Variants in SYK observed in about 807,000 individuals in gnomAD.
The protein encoded by SYK is spleen associated tyrosine kinase.
A neutral mutation model predicts 77.8 loss-of-function variants in SYK; 16 were observed. The observed-to-expected ratio is 0.21, with a 90% CI of 0.14 to 0.31. The LOEUF (loss-of-function observed/expected upper bound fraction) is 0.31. Ranked by LOEUF, SYK falls within the 10% of genes least tolerant of loss-of-function variation. The pLI is 1.00. For missense variants in SYK, 529 were observed against 814.4 expected, an observed-to-expected ratio of 0.65 and a Z score of 4.26; for synonymous variants, 312 against 308.7, an observed-to-expected ratio of 1.01 and a Z score of -0.11.
intron 3 of SYK, among the ~76,000 whole-genome samples, chr9:90,848,669 T>C (rs1295206471): frequency 6.6e-6 from 1 of 152,172 alleles, no homozygotes; most frequent in African/African-American, 2.4e-5. Context: ...AATCCATCCA[T>C]GGACCAACAT....
At chr9:90,870,957 A>T (rs1827706785) in intron 7 of SYK, among the ~76,000 whole-genome samples, 1 of 152,254 alleles carries the variant, frequency 6.6e-6, no homozygotes, top group South Asian at 2.1e-4. Flanking sequence ...GGAAACTCTG[A>T]ATGGACCTAT....
intron 1 of SYK, among the ~76,000 whole-genome samples, chr9:90,829,016 C>T (rs371515759): frequency 1.1e-4 from 17 of 152,146 alleles, no homozygotes; most frequent in Non-Finnish European, 1.2e-4. Flanking sequence ...GCAGGCCAGG[C>T]GCAGAGGCTC....
chr9:90,835,028 G>A (rs945092767), intron 1 of SYK, among the ~76,000 whole-genome samples: 10 of 152,180 alleles, frequency 6.6e-5, no homozygotes, highest in Admixed American at 2.0e-4. Flanking sequence ...ATCTAGTGGG[G>A]AGAGGCCAGG....
At chr9:90,832,083 G>A (rs1470029057) in intron 1 of SYK, among the ~76,000 whole-genome samples, 1 of 152,184 alleles carries the variant, frequency 6.6e-6, no homozygotes, top group East Asian at 1.9e-4. Flanking sequence ...ACAAGGTTCT[G>A]TATTGATTGA....
chr9:90,812,925 G>A (rs1825147784), intron 1 of SYK, among the ~76,000 whole-genome samples: 1 of 152,162 alleles, frequency 6.6e-6, no homozygotes, highest in African/African-American at 2.4e-5. Flanking sequence ...CATTCTCAGC[G>A]TGCAACTGTA....
At chr9:90,809,693 T>C (rs16906825) in intron 1 of SYK, among the ~76,000 whole-genome samples, 2,990 of 152,294 alleles carry the variant, frequency 0.02, 112 homozygotes, top group East Asian at 0.17. Context: ...CTTCCTTCCA[T>C]AGAGATAAAT....
At chr9:90,825,594 G>A (rs914512143) in intron 1 of SYK, among the ~76,000 whole-genome samples, 1 of 152,228 alleles carries the variant, frequency 6.6e-6, no homozygotes, top group African/African-American at 2.4e-5. Context: ...AGGAAAGCAT[G>A]TTAGTTTTGA....
intron 1 of SYK, among the ~76,000 whole-genome samples, chr9:90,808,784 G>A (rs1476967864): frequency 6.6e-6 from 1 of 151,968 alleles, no homozygotes; most frequent in Non-Finnish European, 1.5e-5. Context: ...CGCTTCTAAG[G>A]CACTCCACCC....
chr9:90,845,484 G>T lies in SYK; in HGVS notation c.468G>T (p.Lys156Asn), dbSNP rs773317421. The T allele has an allele frequency of 3.7e-5, 60 of 1,614,094 alleles. No individual in the cohort carries two copies. Among genetic ancestry groups the T allele is most frequent in the Non-Finnish European group, 3.4e-6 (4 of 1,180,046 alleles). Residue 156 changes from lysine to asparagine, a missense_variant, in exon 3 of 14, where the codon AAG becomes AAT. Transcript: ENST00000375754. ...TCAGTCAGAAGCCTCAGCTGGAGAA[G>T]CTGATCGCTACCACAGCCCATGAAA... ...AIISQKPQLE[K>N]LIATTAHEKM...
At position 90,810,001 on chromosome 9, in the gene SYK, G is replaced by A. The variant is rs1825015323; in HGVS notation, c.-42+8108G>A. Among the ~76,000 whole-genome samples the A allele has an allele frequency of 3.3e-5, 5 of 152,136 alleles. No individual in the cohort carries two copies. The South Asian group carries it at 8.3e-4, about 25-fold the overall frequency. On this transcript the variant is annotated intron_variant, in intron 1 of 13. Transcript: ENST00000375754. Reference sequence around the variant, plus strand: ...AGAAGGGCTCAGGCTAGAAAGGCAAGCGTTTGTGAGGGATGATTTCCCCAA... The same window carrying A: ...AGAAGGGCTCAGGCTAGAAAGGCAAACGTTTGTGAGGGATGATTTCCCCAA...
At chr9:90,872,862 C>G (rs554306907) in intron 7 of SYK, among the ~76,000 whole-genome samples, 4 of 152,224 alleles carry the variant, frequency 2.6e-5, no homozygotes, top group Non-Finnish European at 5.9e-5. Flanking sequence ...ATGTCTCCCC[C>G]TCCTTGAGCT....
At position 90,878,348 on chromosome 9, in the gene SYK, T is replaced by C. The variant is rs113694203; in HGVS notation, c.1392-416T>C. ...ACCGAGGAGCTTGCCTCATTTGCTG[T>C]GCTACGTTTGTACTTAGATTGTCTC... On this transcript the variant is annotated intron_variant, in intron 10 of 13. Coordinates refer to ENST00000375754, the MANE Select transcript of SYK (RefSeq NM_003177.7). Among the ~76,000 whole-genome samples, 89 of 152,320 alleles carry C rather than the reference T, an allele frequency of 5.8e-4. 1 individual carries two copies. The highest frequency in any genetic ancestry group is 2.1e-3 in the African/African-American group (87 of 41,576).
At chr9:90,858,758 T>C (rs1827136441) in intron 3 of SYK, among the ~76,000 whole-genome samples, 1 of 152,268 alleles carries the variant, frequency 6.6e-6, no homozygotes, top group South Asian at 2.1e-4. Context: ...CTTCTGGTCT[T>C]TGCCACCTAC....
rs191969766 is a variant in SYK at position 90,836,897 on chromosome 9, C to A, written c.-41-6961C>A. Among the ~76,000 whole-genome samples the A allele has an allele frequency of 1.5e-3, 225 of 152,238 alleles. 4 individuals are homozygous for A. The highest frequency in any genetic ancestry group is 0.015 in the Admixed American group (223 of 15,292). The stretch of plus-strand genomic sequence containing the variant: ...CTGCCATTTCAGATGGATGAGTCAT[C>A]TTGTAAACAGATGACAGTAAATTTA... On this transcript the variant is annotated intron_variant, in intron 1 of 13. Coordinates refer to ENST00000375754, the MANE Select transcript of SYK (RefSeq NM_003177.7).
intron 3 of SYK, among the ~76,000 whole-genome samples, chr9:90,850,100 C>T (rs1826759434): frequency 6.6e-6 from 1 of 152,230 alleles, no homozygotes; most frequent in South Asian, 2.1e-4. Context: ...CCCTTCTCTT[C>T]TTCAGTCTGC....
intron 1 of SYK, among the ~76,000 whole-genome samples, chr9:90,808,224 A>G (rs927308807): frequency 2.0e-5 from 3 of 152,126 alleles, no homozygotes; most frequent in Admixed American, 2.0e-4. Context: ...TCTTCAGTCC[A>G]TCCACTTAGT....
chr9:90,882,930 C>A (rs761754211), intron 11 of SYK, among the ~76,000 whole-genome samples: 5 of 152,126 alleles, frequency 3.3e-5, no homozygotes, highest in Admixed American at 6.5e-5. Flanking sequence ...ACAATCCTAG[C>A]GACAGAAGAA....
At chr9:90,841,173 G>GT (rs1219169715) in intron 1 of SYK, among the ~76,000 whole-genome samples, 7 of 150,654 alleles carry the variant, frequency 4.6e-5, no homozygotes, top group Non-Finnish European at 7.4e-5. Context: ...GTTTGTGTGT[G>GT]TTTTTATGTG....
At position 90,880,807 on chromosome 9, in the gene SYK, C is replaced by T. The variant is rs975911008; in HGVS notation, c.1581+1854C>T. On this transcript the variant is annotated intron_variant, in intron 11 of 13. Coordinates refer to ENST00000375754, the MANE Select transcript of SYK (RefSeq NM_003177.7). ...ACAGTGGCCCGAGGGACAGGAGGAC[C>T]GTTTCCACTCTGCTCACTCACACTA... 7.2e-5 allele frequency among the ~76,000 whole-genome samples: 11 copies of T among 152,180 alleles called. 1 individual carries two copies. The highest frequency in any genetic ancestry group is 5.8e-4 in the East Asian group (3 of 5,198).
Sources: gnomAD v4.1 joint callset for allele counts (sites outside exome capture counted in the v4.1 genomes callset) on GRCh38, gnomAD v4.1.1 for gene constraint, MANE v1.5 for transcripts, NCBI Gene and HGNC (gene_info 2026-07-23, HGNC 2026-07-21) for gene names.